Variants in LSM14B observed in about 807,000 individuals in gnomAD.
LSM14B encodes LSM family member 14B, also known as protein LSM14 homolog B.
In LSM14B, 8 loss-of-function variants were observed where a neutral mutation model predicts 42.1. The ratio of observed to expected loss-of-function variants is 0.19; its 90% CI spans 0.11 to 0.34. The LOEUF is 0.34. LSM14B is among the 10% of genes least tolerant of loss of function. The probability of loss-of-function intolerance (pLI) is 1.00; values close to 1 mark genes in which losing one functional copy is unlikely to be tolerated. For missense variants in LSM14B, 396 were observed against 513.1 expected (o/e 0.77, Z 2.21); for synonymous variants, 219 against 209.7 (o/e 1.04, Z -0.38).
chr20:62,124,085 G>A (rs576475973), intron 1 of LSM14B, among the ~76,000 whole-genome samples: 48 of 152,330 alleles, frequency 3.2e-4, no homozygotes, highest in Non-Finnish European at 6.0e-4. Flanking sequence ...TGCGGAAGCC[G>A]GGGTCAGAGG....
intron 7 of LSM14B, among the ~76,000 whole-genome samples, chr20:62,132,016 A>G (rs1040194362): frequency 2.6e-5 from 4 of 152,230 alleles, no homozygotes; most frequent in African/African-American, 9.6e-5. Context: ...TGGCATCTAC[A>G]GTGTGGGCCT....
At chr20:62,129,028 G>A (rs2056687424) in intron 3 of LSM14B, 1 of 1,300,074 alleles carries the variant, frequency 7.7e-7, no homozygotes, top group Admixed American at 2.3e-5. Flanking sequence ...AGGAGATGGA[G>A]AGAGGTGGGT....
At position 62,124,698 on chromosome 20, in the gene LSM14B, G is replaced by A. The variant is rs763418789; in HGVS notation, c.209G>A (p.Arg70Gln). ...GAGATTTATGAGTACATCATTTTCC[G>A]AGGAAGTGACATCAAGGATATCACT... ...REEIYEYIIF[R>Q]GSDIKDITVC... The change falls in exon 2 of 9, where the codon CGA becomes CAA. Residue 70 changes from arginine (R) to glutamine (Q), a missense_variant. Around this residue, in one of 3 missense-constraint regions of LSM14B, gnomAD observed 274 missense variants for 335.8 expected, o/e 0.82. Transcript: ENST00000279068. The A allele has an allele frequency of 1.2e-6, 2 of 1,613,874 alleles. No homozygotes were observed. Among genetic ancestry groups the A allele is most frequent in the South Asian group, 1.1e-5 (1 of 91,082 alleles).
chr20:62,122,513 A>T lies in LSM14B; in HGVS notation c.-154A>T. 1 of 419,604 alleles carries T rather than the reference A, an allele frequency of 2.4e-6. No individual in the cohort carries two copies. Among genetic ancestry groups the T allele is most frequent in the Non-Finnish European group, 3.2e-6 (1 of 313,244 alleles). 26.0% of individuals were successfully genotyped at this position (419,604 alleles called of 1,614,324 possible). A position where few individuals can be genotyped will look rare whatever the true frequency, so the allele number is the denominator to read the frequency against. ...TTCTTGGTTCGCTCGGTGCCCGCGC[A>T]GGCCCCTCGGGCGGTGGCGAGGAGG... On this transcript the variant is annotated 5_prime_UTR_variant, in exon 1 of 9. Transcript: ENST00000279068. The surrounding 1 kb of genome is among the most constrained non-coding windows in gnomAD (Gnocchi z 4.6).
chr20:62,134,492 A>C lies in LSM14B; in HGVS notation c.*344A>C. The C allele has an allele frequency of 3.2e-6, 1 of 309,904 alleles. No individual in the cohort carries two copies. Among genetic ancestry groups the C allele is most frequent in the Non-Finnish European group, 6.2e-6 (1 of 160,172 alleles). The allele number at this position is 309,904 out of a possible 1,614,324, so 19.2% of individuals were successfully genotyped here. A position where few individuals can be genotyped will look rare whatever the true frequency, so the allele number is the denominator to read the frequency against. On this transcript the variant is annotated 3_prime_UTR_variant, in exon 9 of 9. Coordinates refer to ENST00000279068, the MANE Select transcript of LSM14B (RefSeq NM_144703.3). ...TTTGTGACTTTTTTTTTTTTTTTTA[A>C]TGACAAGCTTTGACTTTTAAAAGTG...
intron 7 of LSM14B, among the ~76,000 whole-genome samples, chr20:62,132,288 C>T (rs1467006451): frequency 6.6e-6 from 1 of 152,168 alleles, no homozygotes; most frequent in Non-Finnish European, 1.5e-5. Context: ...CCAGACAGGC[C>T]GAGTCTGGGG....
chr20:62,131,787 G>A (rs1445104380), intron 7 of LSM14B, among the ~76,000 whole-genome samples: 1 of 152,222 alleles, frequency 6.6e-6, no homozygotes, highest in Non-Finnish European at 1.5e-5. Flanking sequence ...CCCCCCGGCA[G>A]ACCCGTGTCC....
At position 62,130,126 on chromosome 20, in the gene LSM14B, G is replaced by A. The variant is rs921447403; in HGVS notation, c.596-93G>A. On this transcript the variant is annotated intron_variant, in intron 4 of 8. Coordinates refer to ENST00000279068, the MANE Select transcript of LSM14B (RefSeq NM_144703.3). This position sits in a 1 kb window ranked among gnomAD's most constrained non-coding sequence, Gnocchi z 4.1. ...CCTCCTGCGGTGCCGCCCTGGCCGC[G>A]TGCCCCATGGTGGTGGGGCCTGCTT... The A allele has an allele frequency of 1.7e-5, 25 of 1,494,586 alleles. No homozygotes were observed. The highest frequency in any genetic ancestry group is 1.1e-4 in the South Asian group (9 of 81,732). The allele number at this position is 1,494,586 out of a possible 1,614,324, so 92.6% of individuals were successfully genotyped here. A position where few individuals can be genotyped will look rare whatever the true frequency, so the allele number is the denominator to read the frequency against.
In LSM14B at chr20:62,131,514, G is replaced by A. The variant is rs375973339; in HGVS notation, c.986+8G>A. The A allele has an allele frequency of 3.7e-6, 6 of 1,612,098 alleles. No homozygotes were observed. The South Asian group carries it at 4.4e-5, about 12-fold the overall frequency. On this transcript the variant is annotated splice_region_variant and intron_variant, in intron 7 of 8. Transcript: ENST00000279068. Reference sequence around the variant, plus strand: ...TTCTGAACTCAAGACCAGGTGAGAGGCTGAATGAATGAGGGGAGGACAGTC... The same window carrying A: ...TTCTGAACTCAAGACCAGGTGAGAGACTGAATGAATGAGGGGAGGACAGTC...
Position 62,124,726 on chromosome 20 carries a change from G to C in LSM14B, c.237G>C (p.Val79=), listed in dbSNP as rs184253487. Residue 79 remains valine, a synonymous_variant, in exon 2 of 9, where the codon GTG becomes GTC. Transcript: ENST00000279068. The stretch of plus-strand genomic sequence containing the variant: ...GAAGTGACATCAAGGATATCACTGT[G>C]TGTGAACCTCCGAAAGCTCAGCACA... ...FRGSDIKDIT[V]CEPPKAQHTL... is the part of the protein sequence containing the mutation. 5.0e-6 allele frequency: 8 copies of C among 1,613,876 alleles called. No individual in the cohort carries two copies. In the Admixed American group the frequency reaches 1.3e-4, roughly 27 times the overall value.
At chr20:62,129,070 G>A in intron 3 of LSM14B, 1 of 1,207,198 alleles carries the variant, frequency 8.3e-7, no homozygotes, top group Non-Finnish European at 1.1e-6. Context: ...GATTCAGAGG[G>A]CCTGGTTTCT....
chr20:62,127,943 C>T, intron 3 of LSM14B: 2 of 655,334 alleles, frequency 3.1e-6, no homozygotes, highest in Non-Finnish European at 5.6e-6. Context: ...TCTCTGTTGA[C>T]CTGTACCATG....
intron 3 of LSM14B, chr20:62,127,893 A>G: frequency 1.4e-6 from 1 of 704,282 alleles, no homozygotes; most frequent in East Asian, 2.7e-5. Context: ...GATTACGAAG[A>G]ATCAGCGGAG....
intron 3 of LSM14B, chr20:62,128,980 G>A (rs1271648692): frequency 1.5e-6 from 2 of 1,304,208 alleles, no homozygotes; most frequent in South Asian, 2.5e-5. Context: ...ACATTGTCCT[G>A]TTTAGAGTCC....
At chr20:62,125,524 T>C (rs1568704019) in intron 2 of LSM14B, among the ~76,000 whole-genome samples, 2 of 152,398 alleles carry the variant, frequency 1.3e-5, no homozygotes, top group Non-Finnish European at 2.9e-5. Context: ...GCTGCTGTTA[T>C]ACAACACCAG....
At chr20:62,133,268 C>G (rs768722583) in intron 7 of LSM14B, 22 bp from the exon 8 acceptor site, 3 of 1,610,526 alleles carry the variant, frequency 1.9e-6, no homozygotes, top group Non-Finnish European at 2.5e-6. Context: ...CTGCTACAAT[C>G]AGCATTTCCT....
rs758946178 is a variant in LSM14B, at chr20:62,124,823, T to C, written c.291+43T>C. The stretch of plus-strand genomic sequence containing the variant: ...CCTCTGTGCATGCTGTAGGAGATGC[T>C]GGTTTCCATTTGGAGCTTGGTGGCA... On this transcript the variant is annotated intron_variant, in intron 2 of 8. Transcript: ENST00000279068. 9 of 1,564,562 alleles carry C rather than the reference T, an allele frequency of 5.8e-6. No homozygotes were observed. In the African/African-American group the frequency reaches 8.2e-5, roughly 14 times the overall value.
intron 7 of LSM14B, among the ~76,000 whole-genome samples, chr20:62,132,171 G>A (rs1358363580): frequency 2.0e-5 from 3 of 152,258 alleles, no homozygotes; most frequent in African/African-American, 7.2e-5. Context: ...AGCATGTCGT[G>A]AAGGCCAGGC....
chr20:62,132,225 T>TGG, intron 7 of LSM14B, among the ~76,000 whole-genome samples: 1 of 152,274 alleles, frequency 6.6e-6, no homozygotes, highest in Non-Finnish European at 1.5e-5. Flanking sequence ...GGGAAGTGGA[T>TGG]GATCAGTTCT....
Sources: gnomAD v4.1 joint callset for allele counts (sites outside exome capture counted in the v4.1 genomes callset) on GRCh38, gnomAD v4.1.1 for gene constraint, gnomAD v4.1.1 regional missense constraint, Gnocchi (gnomAD v3.1) non-coding constraint, MANE v1.5 for transcripts, NCBI Gene and HGNC (gene_info 2026-07-23, HGNC 2026-07-21) for gene names.